The following SPATA16 variants were observed in gnomAD, a reference collection of about 807,000 sequenced individuals.
The protein encoded by SPATA16 is spermatogenesis associated 16, also known as spermatogenesis-associated protein 16.
A neutral mutation model predicts 63.3 loss-of-function variants in SPATA16; 36 were observed. The ratio of observed to expected loss-of-function variants is 0.57; its 90% CI spans 0.44 to 0.75. The LOEUF is 0.75. Among genes scored for constraint, SPATA16 ranks in the 30% least tolerant of loss-of-function variants. The probability of loss-of-function intolerance (pLI) is 0.00; values close to 1 mark genes in which losing one functional copy is unlikely to be tolerated. For missense variants in SPATA16, 646 were observed against 679.3 expected (o/e 0.95, Z 0.54); for synonymous variants, 203 against 216.7 (o/e 0.94, Z 0.56).
At chr3:173,124,796 A>G (rs1342837656) in intron 1 of SPATA16, among the ~76,000 whole-genome samples, 3 of 151,888 alleles carry the variant, frequency 2.0e-5, no homozygotes, top group Non-Finnish European at 4.4e-5. Context: ...CTCACCACTC[A>G]TTCTCAATAT....
intron 4 of SPATA16, among the ~76,000 whole-genome samples, chr3:172,987,157 T>C (rs1268614706): frequency 2.6e-5 from 4 of 152,174 alleles, no homozygotes; most frequent in African/African-American, 7.2e-5. Context: ...TGAACTAATA[T>C]CTGATGCTCA....
At chr3:173,007,319 A>G (rs958775845) in intron 4 of SPATA16, among the ~76,000 whole-genome samples, 7 of 152,200 alleles carry the variant, frequency 4.6e-5, no homozygotes, top group African/African-American at 1.4e-4. Flanking sequence ...GGACAGAGGT[A>G]TAAAAACAAG....
chr3:172,978,799 T>A (rs761569338), intron 4 of SPATA16, among the ~76,000 whole-genome samples: 60 of 152,356 alleles, frequency 3.9e-4, no homozygotes, highest in Non-Finnish European at 7.1e-4. Context: ...CAGAAGCAGC[T>A]ATAGACAATA....
At chr3:172,988,335 C>G (rs184941506) in intron 4 of SPATA16, among the ~76,000 whole-genome samples, 43 of 152,276 alleles carry the variant, frequency 2.8e-4, no homozygotes, top group Admixed American at 9.1e-4. Context: ...AATATTTAAG[C>G]TGAGTAGAAT....
At chr3:172,985,693 T>C (rs1213675679) in intron 4 of SPATA16, among the ~76,000 whole-genome samples, 1 of 152,156 alleles carries the variant, frequency 6.6e-6, no homozygotes, top group Non-Finnish European at 1.5e-5. Context: ...TAAATAGTAA[T>C]GAAGAAAAGG....
At chr3:172,967,059 A>G (rs1733934611) in intron 5 of SPATA16, among the ~76,000 whole-genome samples, 1 of 152,240 alleles carries the variant, frequency 6.6e-6, no homozygotes, top group South Asian at 2.1e-4. Context: ...TGGAAGGCAA[A>G]GTCTCTATGA....
chr3:173,063,038 T>C (rs905676249), intron 2 of SPATA16, among the ~76,000 whole-genome samples: 1 of 152,188 alleles, frequency 6.6e-6, no homozygotes, highest in African/African-American at 2.4e-5. Context: ...GGGACCCCTG[T>C]CTTAGAGGAA....
At chr3:172,961,048 C>CTTTCTTCT (rs796342325) in intron 5 of SPATA16, among the ~76,000 whole-genome samples, 5 of 66,022 alleles carry the variant, frequency 7.6e-5, no homozygotes, top group African/African-American at 2.1e-4. Flanking sequence ...TTCTTTCTTT[C>CTTTCTTCT]TTCTTTCTTT....
At chr3:173,007,625 C>A (rs986422233) in intron 4 of SPATA16, among the ~76,000 whole-genome samples, 2 of 152,028 alleles carry the variant, frequency 1.3e-5, no homozygotes, top group Non-Finnish European at 2.9e-5. Flanking sequence ...TTTAGAATAC[C>A]TATTTTTATT....
intron 10 of SPATA16, among the ~76,000 whole-genome samples, chr3:172,907,574 T>G (rs13067109): frequency 0.48 from 70,532 of 145,830 alleles, 19,229 homozygotes; most frequent in South Asian, 0.69. Flanking sequence ...AGGTTTGGTG[T>G]TTTTTTTGTT....
At chr3:173,043,449 T>A (rs990800276) in intron 3 of SPATA16, among the ~76,000 whole-genome samples, 6 of 151,984 alleles carry the variant, frequency 3.9e-5, no homozygotes, top group Non-Finnish European at 7.4e-5. Flanking sequence ...CTTTGTGATA[T>A]TGTAGTCAAA....
Position 172,981,353 on chromosome 3 carries a change from T to G in SPATA16, c.849-4301A>C, listed in dbSNP as rs1734313117. ...AGCAGGTCACTCCTGTGCTTAAAAC[T>G]GCAAAGCTTCCTGTCTCTCTCAGAG... On this transcript the variant is annotated intron_variant, in intron 4 of 10. Transcript: ENST00000351008. Among the ~76,000 whole-genome samples, 3 of 152,212 alleles carry G rather than the reference T, an allele frequency of 2.0e-5. No individual in the cohort carries two copies. In the South Asian group the frequency reaches 6.2e-4, roughly 32 times the overall value.
chr3:172,966,469 T>C (rs1733922305), intron 5 of SPATA16, among the ~76,000 whole-genome samples: 1 of 152,202 alleles, frequency 6.6e-6, no homozygotes, highest in Non-Finnish European at 1.5e-5. Flanking sequence ...CTGCACTATA[T>C]ATATATAATA....
At chr3:173,078,826 C>A (rs1253862879) in intron 2 of SPATA16, among the ~76,000 whole-genome samples, 1 of 152,116 alleles carries the variant, frequency 6.6e-6, no homozygotes, top group Non-Finnish European at 1.5e-5. Flanking sequence ...CTGAAAACAT[C>A]CAGTGAGCAG....
chr3:173,115,117 G>A (rs1287405828), intron 2 of SPATA16, among the ~76,000 whole-genome samples: 1 of 152,016 alleles, frequency 6.6e-6, no homozygotes, highest in East Asian at 1.9e-4. Context: ...AGGAGAGAGA[G>A]AGAAACACAA....
At chr3:173,114,238 G>A (rs988600132) in intron 2 of SPATA16, among the ~76,000 whole-genome samples, 1 of 150,866 alleles carries the variant, frequency 6.6e-6, no homozygotes, top group African/African-American at 2.4e-5. Flanking sequence ...AGCCTTCTAT[G>A]GGAGAGATGC....
intron 10 of SPATA16, among the ~76,000 whole-genome samples, chr3:172,893,859 A>T (rs2109539706): frequency 6.6e-6 from 1 of 152,078 alleles, no homozygotes; most frequent in African/African-American, 2.4e-5. Flanking sequence ...AATTTCATGT[A>T]GTCTGAATCA....
At chr3:173,063,226 G>T (rs1018184033) in intron 2 of SPATA16, among the ~76,000 whole-genome samples, 2 of 152,126 alleles carry the variant, frequency 1.3e-5, no homozygotes, top group Admixed American at 6.6e-5. Flanking sequence ...AAAGAGATAG[G>T]TCAACATGTA....
chr3:173,109,059 T>C (rs1468701553), intron 2 of SPATA16, among the ~76,000 whole-genome samples: 1 of 152,210 alleles, frequency 6.6e-6, no homozygotes. Flanking sequence ...CTCTTTTCAT[T>C]TGTAAAGTGA....
Sources: gnomAD v4.1 joint callset for allele counts (sites outside exome capture counted in the v4.1 genomes callset) on GRCh38, gnomAD v4.1.1 for gene constraint, MANE v1.5 for transcripts, NCBI Gene and HGNC (gene_info 2026-07-23, HGNC 2026-07-21) for gene names.